The following CCT4 variants were observed in gnomAD, a reference collection of about 807,000 sequenced individuals.
CCT4 encodes the protein chaperonin containing TCP1 subunit 4.
Under a neutral mutation model 62.5 loss-of-function variants are expected in CCT4, and 17 were observed. The observed-to-expected ratio is 0.27, with a 90% CI of 0.19 to 0.41. The LOEUF is 0.41. Among genes scored for constraint, CCT4 ranks in the 10% least tolerant of loss-of-function variants. The probability of loss-of-function intolerance (pLI) is 1.00; values close to 1 mark genes in which losing one functional copy is unlikely to be tolerated. For missense variants in CCT4, 592 were observed against 659.2 expected, an observed-to-expected ratio of 0.90 and a Z score of 1.12; for synonymous variants, 250 against 229.9, an observed-to-expected ratio of 1.09 and a Z score of -0.79.
chr2:61,872,652 G>A, intron 10 of CCT4, 64 bp from the exon 11 acceptor site: 1 of 1,571,824 alleles, frequency 6.4e-7, no homozygotes. Context: ...CCCAGGCCGG[G>A]CACGGCGGCT....
rs1343337246 is a variant in CCT4 at position 61,872,707 on chromosome 2, A to T, written c.1126-119T>A. On this transcript the variant is annotated intron_variant, in intron 10 of 13. Transcript: ENST00000394440. ...CTTTGGGAGGATGAGGCGGGTGGCT[A>T]ACGAGGTGAGGAGATCGAGACCATC... 26 of 967,882 alleles carry T rather than the reference A, an allele frequency of 2.7e-5. No individual in the cohort carries two copies. In the East Asian group the frequency reaches 6.1e-4, roughly 23 times the overall value. The allele number at this position is 967,882 out of a possible 1,614,324, so 60.0% of individuals were successfully genotyped here.
chr2:61,873,996 G>C (rs1668943501), intron 8 of CCT4, among the ~76,000 whole-genome samples: 1 of 152,126 alleles, frequency 6.6e-6, no homozygotes, highest in African/African-American at 2.4e-5. Flanking sequence ...CACTGTGCCT[G>C]ACCTCATTTT....
At chr2:61,882,704 T>A (rs1238497092) in intron 3 of CCT4, among the ~76,000 whole-genome samples, 1 of 152,016 alleles carries the variant, frequency 6.6e-6, no homozygotes, top group East Asian at 1.9e-4. Flanking sequence ...AGAGACAAGG[T>A]CTCGCCATGT....
intron 6 of CCT4, 101 bp downstream of exon 6, chr2:61,877,290 GAA>G (rs1319493999): frequency 4.1e-6 from 5 of 1,221,890 alleles, no homozygotes; most frequent in South Asian, 1.4e-5. Context: ...ACCAAAAAGA[GAA>G]AAGAGAGCTT....
intron 1 of CCT4, among the ~76,000 whole-genome samples, chr2:61,886,341 G>A (rs965679430): frequency 6.6e-6 from 1 of 152,160 alleles, no homozygotes; most frequent in African/African-American, 2.4e-5. Flanking sequence ...GAACCCAGGA[G>A]GCAGAAGTTG....
rs763119199 is a variant in CCT4 at position 61,872,995 on chromosome 2, C to CTGTT, written c.1125+3_1125+6dup. 300 of 1,503,578 alleles carry CTGTT rather than the reference C, an allele frequency of 2.0e-4. No individual in the cohort carries two copies. Among genetic ancestry groups the CTGTT allele is most frequent in the Non-Finnish European group, 2.5e-4 (269 of 1,079,416 alleles). The allele number at this position is 1,503,578 out of a possible 1,614,324, so 93.1% of individuals were successfully genotyped here. On this transcript the variant is annotated splice_region_variant and intron_variant, in intron 10 of 13. Transcript: ENST00000394440. The stretch of plus-strand genomic sequence containing the variant: ...AGCAAATAAAAATTTAAGTGTAATA[C>CTGTT]TGTTACCTTGAGCAGTTTGCCAGAA...
At chr2:61,871,528 T>C (rs115085378) in intron 12 of CCT4, among the ~76,000 whole-genome samples, 9 of 152,316 alleles carry the variant, frequency 5.9e-5, no homozygotes, top group Admixed American at 2.0e-4. Flanking sequence ...CCTAAACAGA[T>C]AGTTCCATCA....
chr2:61,881,252 AATAATC>A (rs1669104550), intron 3 of CCT4, among the ~76,000 whole-genome samples: 2 of 152,042 alleles, frequency 1.3e-5, no homozygotes, highest in African/African-American at 4.8e-5. Flanking sequence ...ATTTTCCTAT[AATAATC>A]ATTTTTTTCA....
intron 8 of CCT4, among the ~76,000 whole-genome samples, chr2:61,874,368 C>T (rs955618655): frequency 6.6e-6 from 1 of 152,004 alleles, no homozygotes; most frequent in Non-Finnish European, 1.5e-5. Flanking sequence ...ATCTGTAATC[C>T]CAGCACTTTG....
Position 61,872,079 on chromosome 2 carries a change from T to C in CCT4, c.1491+3A>G. On this transcript the variant is annotated splice_donor_region_variant and intron_variant, in intron 12 of 13. Transcript: ENST00000394440. ...TTTTCTACATTAGAGATTAAATGAT[T>C]ACCTTTCGGACATTAATGCCTGCAG... 6.3e-7 allele frequency: 1 copy of C among 1,579,168 alleles called. No homozygotes were observed. Among genetic ancestry groups the C allele is most frequent in the African/African-American group, 1.3e-5 (1 of 74,276 alleles).
intron 12 of CCT4, among the ~76,000 whole-genome samples, chr2:61,870,292 CAAAAT>C (rs773609084): frequency 1.6e-3 from 243 of 152,100 alleles, no homozygotes; most frequent in Non-Finnish European, 2.8e-3. Flanking sequence ...CAAAACAAAA[CAAAAT>C]ATTATCTCTT....
chr2:61,869,796 G>A (rs1399745394), intron 12 of CCT4, among the ~76,000 whole-genome samples: 2 of 151,628 alleles, frequency 1.3e-5, no homozygotes, highest in African/African-American at 4.8e-5. Context: ...ACCATGCCCG[G>A]CTAATTTTTT....
intron 1 of CCT4, among the ~76,000 whole-genome samples, chr2:61,886,879 C>G (rs1572928903): frequency 6.6e-6 from 1 of 152,122 alleles, no homozygotes; most frequent in East Asian, 1.9e-4. Context: ...CCTGCCTCAG[C>G]CTCCCGAGTA....
At chr2:61,869,379 C>A in intron 13 of CCT4, 61 bp downstream of exon 13, 1 of 936,078 alleles carries the variant, frequency 1.1e-6, no homozygotes, top group African/African-American at 1.6e-5. Flanking sequence ...CAACAAAAAA[C>A]CTTTAAAAAA....
chr2:61,886,949 G>A (rs1487750887), intron 1 of CCT4, among the ~76,000 whole-genome samples: 2 of 152,148 alleles, frequency 1.3e-5, no homozygotes, highest in Non-Finnish European at 2.9e-5. Flanking sequence ...AGTAGAGACG[G>A]GGTTTCTCCA....
chr2:61,869,143 G>GAAAAAA (rs33947847), intron 13 of CCT4, among the ~76,000 whole-genome samples: 1 of 70,722 alleles, frequency 1.4e-5, no homozygotes. Flanking sequence ...CTTCGTCTCA[G>GAAAAAA]AAAAAAAAAA....
chr2:61,887,312 A>T (rs1669278608), intron 1 of CCT4, among the ~76,000 whole-genome samples: 1 of 152,198 alleles, frequency 6.6e-6, no homozygotes, highest in Non-Finnish European at 1.5e-5. Context: ...GACTGCAAAC[A>T]CATGTAAGGT....
chr2:61,879,735 T>C (rs1467569052), intron 4 of CCT4, among the ~76,000 whole-genome samples: 2 of 150,802 alleles, frequency 1.3e-5, no homozygotes, highest in Non-Finnish European at 3.0e-5. Context: ...GTAATATTTC[T>C]ACCACTCATT....
chr2:61,876,856 A>ACTC, intron 7 of CCT4, 64 bp downstream of exon 7: 1 of 1,376,960 alleles, frequency 7.3e-7, no homozygotes, highest in Non-Finnish European at 9.9e-7. Flanking sequence ...ATTTTTAATA[A>ACTC]AGAAATGCCT....
Sources: allele counts gnomAD v4.1 joint callset (sites outside exome capture counted in the v4.1 genomes callset), GRCh38; gene constraint gnomAD v4.1.1; transcripts MANE v1.5; gene names NCBI Gene and HGNC (gene_info 2026-07-23, HGNC 2026-07-21).